The following DCT variants were observed in gnomAD, a reference collection of about 807,000 sequenced individuals.
DCT encodes dopachrome tautomerase, also known as L-dopachrome tautomerase.
A neutral mutation model predicts 53.0 loss-of-function variants in DCT; 47 were observed. The observed-to-expected ratio is 0.89, with a 90% CI of 0.70 to 1.13. The LOEUF is 1.13. DCT is among the 50% of genes most tolerant of loss of function. DCT has a pLI of 0.00. For missense variants in DCT, 669 were observed against 637.4 expected (o/e 1.05, Z -0.53); for synonymous variants, 244 against 237.0 (o/e 1.03, Z -0.27).
Position 94,479,299 on chromosome 13 carries a change from G to GTCTCTGTCGTACTTTTCTCCTTA in DCT, c.-67_-45dup. ...GCTCTCTCTCTCTCTTACTTTCCTT[G>GTCTCTGTCGTACTTTTCTCCTTA]TCTCTGTCGTACTTTTCTCCTTATC... is the stretch of plus-strand genomic sequence containing the variant. On this transcript the variant is annotated 5_prime_UTR_variant, in exon 1 of 8. Coordinates refer to ENST00000377028, the MANE Select transcript of DCT (RefSeq NM_001922.5). 1 of 1,470,458 alleles carries GTCTCTGTCGTACTTTTCTCCTTA rather than the reference G, an allele frequency of 6.8e-7. No homozygotes were observed. Among genetic ancestry groups the GTCTCTGTCGTACTTTTCTCCTTA allele is most frequent in the Non-Finnish European group, 9.1e-7 (1 of 1,097,060 alleles). 91.1% of individuals were successfully genotyped at this position (1,470,458 alleles called of 1,614,324 possible).
rs764058529 is a variant in DCT at position 94,466,635 on chromosome 13, T to A, written c.619A>T (p.Ile207Leu). The A allele has an allele frequency of 1.9e-6, 3 of 1,610,988 alleles. No homozygotes were observed. The Admixed American group carries it at 5.0e-5, about 27-fold the overall frequency. Residue 207 changes from isoleucine (I) to leucine (L), a missense_variant, in exon 3 of 8, where the codon ATA becomes TTA. By Grantham distance (5) the Ile-to-Leu change is conservative. Transcript: ENST00000377028. ...LLGPGRPYRAIDFSHQGPAFV... is the reference protein window; with the variant it reads ...LLGPGRPYRALDFSHQGPAFV... ...GCAGGTCCTTGATGTGAGAAATCTA[T>A]GGCCCTGTAGGGGCGTCCTGGTCCT...
At chr13:94,531,803 A>T in the DCT span, among the ~76,000 whole-genome samples, 2 of 152,318 alleles carry the variant, frequency 1.3e-5, no homozygotes, top group Admixed American at 1.3e-4. Context: ...GATTTAATTA[A>T]ACCAAAGAGC....
the DCT span, among the ~76,000 whole-genome samples, chr13:94,542,883 A>G: frequency 6.6e-6 from 1 of 152,156 alleles, no homozygotes; most frequent in Non-Finnish European, 1.5e-5. Context: ...GAGAGTACCA[A>G]TGTTGCCAAG....
intron 6 of DCT, among the ~76,000 whole-genome samples, chr13:94,455,808 T>C (rs1027833522): frequency 6.6e-6 from 1 of 152,214 alleles, no homozygotes; most frequent in Non-Finnish European, 1.5e-5. Flanking sequence ...TGGGGTATAA[T>C]CCTTAATTTA....
chr13:94,514,848 C>T, the DCT span, among the ~76,000 whole-genome samples: 1 of 152,216 alleles, frequency 6.6e-6, no homozygotes, highest in Non-Finnish European at 1.5e-5. Flanking sequence ...ACAAAGACTA[C>T]TCTGATGACA....
the DCT span, among the ~76,000 whole-genome samples, chr13:94,527,557 A>G: frequency 1.3e-5 from 2 of 152,230 alleles, no homozygotes; most frequent in South Asian, 2.1e-4. Flanking sequence ...GACTGTTTGA[A>G]GGAAAACTAA....
intron 6 of DCT, among the ~76,000 whole-genome samples, chr13:94,457,047 T>C (rs1883456256): frequency 6.6e-6 from 1 of 152,148 alleles, no homozygotes; most frequent in South Asian, 2.1e-4. Flanking sequence ...GGAGAATCAC[T>C]TGAACGCAGG....
chr13:94,481,840 G>A (rs1235894295), upstream of DCT, among the ~76,000 whole-genome samples: 5 of 152,140 alleles, frequency 3.3e-5, no homozygotes, highest in African/African-American at 1.2e-4. Flanking sequence ...TCTCCACAAA[G>A]AGCAGCATCA....
chr13:94,507,503 C>CTTTTT, the DCT span, among the ~76,000 whole-genome samples: 816 of 140,252 alleles, frequency 5.8e-3, 20 homozygotes, highest in African/African-American at 0.02. Context: ...GGTATATTGA[C>CTTTTT]TTTTTTTTTT....
chr13:94,478,146 A>ACCACCCCCCC (rs1885219428), intron 1 of DCT, among the ~76,000 whole-genome samples: 1 of 101,972 alleles, frequency 9.8e-6, no homozygotes, highest in Non-Finnish European at 2.1e-5. Flanking sequence ...TCTAATAACA[A>ACCACCCCCCC]CCCCCCGCCC....
the DCT span, among the ~76,000 whole-genome samples, chr13:94,493,554 A>G: frequency 2.6e-4 from 40 of 152,220 alleles, no homozygotes; most frequent in Admixed American, 2.6e-3. Flanking sequence ...TATGTGCAGT[A>G]TATTATACAT....
the DCT span, among the ~76,000 whole-genome samples, chr13:94,538,962 T>A: frequency 6.6e-6 from 1 of 152,204 alleles, no homozygotes. Context: ...CTAGGGGTTA[T>A]CAGCCCACAC....
At chr13:94,466,514 T>C in intron 3 of DCT, 44 bp downstream of exon 3, 1 of 1,324,588 alleles carries the variant, frequency 7.5e-7, no homozygotes, top group Non-Finnish European at 1.0e-6. Flanking sequence ...ATACAATAAA[T>C]TTTTTAAAAA....
chr13:94,529,309 C>A, the DCT span, among the ~76,000 whole-genome samples: 2 of 152,188 alleles, frequency 1.3e-5, no homozygotes, highest in Non-Finnish European at 1.5e-5. Context: ...ATCTACAGAA[C>A]TCTCCACCCC....
upstream of DCT, among the ~76,000 whole-genome samples, chr13:94,479,877 T>G (rs537780504): frequency 6.6e-6 from 1 of 152,180 alleles, no homozygotes; most frequent in South Asian, 2.1e-4. Flanking sequence ...CAAAACCATC[T>G]TCTTTATCTG....
chr13:94,439,855 T>C lies in DCT; in HGVS notation c.*43A>G. ...GTTCCTTTATTGTCAGCGTCAGAAC[T>C]GTGGCTTGGCCAGCCTCTTCTCTTA... On this transcript the variant is annotated 3_prime_UTR_variant, in exon 8 of 8. Transcript: ENST00000377028. 2.7e-6 allele frequency: 4 copies of C among 1,495,054 alleles called. No individual in the cohort carries two copies. The highest frequency in any genetic ancestry group is 2.8e-6 in the Non-Finnish European group (3 of 1,090,744). 92.6% of individuals were successfully genotyped at this position (1,495,054 alleles called of 1,614,324 possible). A position where few individuals can be genotyped will look rare whatever the true frequency, so the allele number is the denominator to read the frequency against.
the DCT span, among the ~76,000 whole-genome samples, chr13:94,513,658 T>A: frequency 1.4e-4 from 22 of 151,918 alleles, no homozygotes; most frequent in African/African-American, 5.1e-4. Flanking sequence ...TCTACTCAGT[T>A]CCCAGAGAGT....
intron 6 of DCT, among the ~76,000 whole-genome samples, chr13:94,455,478 T>C (rs1883354832): frequency 6.6e-6 from 1 of 152,082 alleles, no homozygotes; most frequent in East Asian, 1.9e-4. Flanking sequence ...CACAGGTTGA[T>C]AAATTAAAGC....
intron 2 of DCT, 83 bp downstream of exon 2, chr13:94,468,663 G>C (rs1884388856): frequency 7.4e-6 from 9 of 1,219,514 alleles, no homozygotes; most frequent in Non-Finnish European, 1.0e-5. Context: ...TAATTAACTT[G>C]CATGAAATTA....
Sources: allele counts gnomAD v4.1 joint callset (sites outside exome capture counted in the v4.1 genomes callset), GRCh38; gene constraint gnomAD v4.1.1; transcripts MANE v1.5; gene names NCBI Gene and HGNC (gene_info 2026-07-23, HGNC 2026-07-21).